KLF12: variants seen among roughly 807,000 people sequenced by gnomAD.
KLF12 encodes KLF transcription factor 12, also known as Krueppel-like factor 12.
A neutral mutation model predicts 37.8 loss-of-function variants in KLF12; 9 were observed. That is an observed-to-expected ratio of 0.24 (90% CI 0.14 to 0.42). The LOEUF (loss-of-function observed/expected upper bound fraction) is 0.42. KLF12 is among the 10% of genes least tolerant of loss of function. KLF12 has a pLI of 1.00. For synonymous variants in KLF12, 208 were observed against 202.1 expected, an observed-to-expected ratio of 1.03 and a Z score of -0.25; for missense variants, 411 against 516.0, an observed-to-expected ratio of 0.80 and a Z score of 1.97.
At chr13:73,846,802 A>C (rs1032813828) in intron 3 of KLF12, among the ~76,000 whole-genome samples, 3 of 152,168 alleles carry the variant, frequency 2.0e-5, no homozygotes, top group African/African-American at 7.2e-5. Flanking sequence ...TACCATACTC[A>C]GTATATTCTG....
At chr13:74,188,713 G>A in the KLF12 span, among the ~76,000 whole-genome samples, 1 of 151,972 alleles carries the variant, frequency 6.6e-6, no homozygotes, top group African/African-American at 2.4e-5. Flanking sequence ...AACAAAGAGT[G>A]GGCCAGGCGT....
chr13:74,025,822 A>G (rs1191507599), intron 1 of KLF12, among the ~76,000 whole-genome samples: 1 of 152,184 alleles, frequency 6.6e-6, no homozygotes, highest in Non-Finnish European at 1.5e-5. Flanking sequence ...GACTGCAGAT[A>G]TAGCTAAATG....
chr13:73,861,479 G>T (rs900018891), intron 3 of KLF12, among the ~76,000 whole-genome samples: 7 of 152,142 alleles, frequency 4.6e-5, no homozygotes, highest in African/African-American at 1.7e-4. Flanking sequence ...TACACTAAAG[G>T]AGTAGTTATT....
intron 6 of KLF12, among the ~76,000 whole-genome samples, chr13:73,731,764 C>A (rs1424647196): frequency 2.0e-5 from 3 of 152,156 alleles, no homozygotes; most frequent in Non-Finnish European, 4.4e-5. Context: ...TTCTAAAGCA[C>A]AAACTGTGGC....
At chr13:74,101,792 T>A (rs1876361575) in intron 1 of KLF12, among the ~76,000 whole-genome samples, 1 of 152,022 alleles carries the variant, frequency 6.6e-6, no homozygotes, top group African/African-American at 2.4e-5. Flanking sequence ...ATGAAAAACA[T>A]CAGTAAATGG....
intron 2 of KLF12, among the ~76,000 whole-genome samples, chr13:73,967,657 T>A (rs769408326): frequency 6.6e-6 from 1 of 152,198 alleles, no homozygotes; most frequent in Non-Finnish European, 1.5e-5. Flanking sequence ...GCCTCACTTA[T>A]ACAGCATTCT....
intron 1 of KLF12, among the ~76,000 whole-genome samples, chr13:74,096,364 A>G (rs962997107): frequency 1.3e-5 from 2 of 152,166 alleles, no homozygotes; most frequent in Non-Finnish European, 2.9e-5. Flanking sequence ...GAACTAGACC[A>G]CATATAACTA....
At chr13:73,763,247 C>A (rs1879685656) in intron 6 of KLF12, among the ~76,000 whole-genome samples, 3 of 152,070 alleles carry the variant, frequency 2.0e-5, no homozygotes, top group Admixed American at 2.0e-4. Context: ...AGAGCTTTAC[C>A]CACATTGTAT....
chr13:73,791,900 A>G (rs1881707821), intron 5 of KLF12, among the ~76,000 whole-genome samples: 1 of 152,226 alleles, frequency 6.6e-6, no homozygotes, highest in Admixed American at 6.5e-5. Context: ...AGTACTCTCA[A>G]AAATGATTCC....
chr13:74,076,060 T>C (rs1874543376), intron 1 of KLF12, among the ~76,000 whole-genome samples: 1 of 152,196 alleles, frequency 6.6e-6, no homozygotes, highest in African/African-American at 2.4e-5. Flanking sequence ...TCTTATGTTC[T>C]AAAATTAATT....
intron 2 of KLF12, among the ~76,000 whole-genome samples, chr13:73,987,802 G>C (rs1344959964): frequency 7.7e-6 from 1 of 129,996 alleles, no homozygotes; most frequent in African/African-American, 2.9e-5. Flanking sequence ...AGAGGAGAGA[G>C]AAAGTGGGGG....
chr13:73,747,042 C>A (rs1391695199), intron 6 of KLF12, among the ~76,000 whole-genome samples: 1 of 152,054 alleles, frequency 6.6e-6, no homozygotes, highest in South Asian at 2.1e-4. Context: ...GTCTCGAACT[C>A]CTGACCTCAA....
chr13:74,074,299 C>G (rs1228232035), intron 1 of KLF12, among the ~76,000 whole-genome samples: 3 of 152,186 alleles, frequency 2.0e-5, no homozygotes, highest in Non-Finnish European at 2.9e-5. Context: ...ACCCAGTGAG[C>G]TCTGATAAAC....
the KLF12 span, among the ~76,000 whole-genome samples, chr13:74,143,827 CTG>C: frequency 1.3e-5 from 2 of 152,204 alleles, no homozygotes; most frequent in African/African-American, 4.8e-5. Flanking sequence ...ATATTCAACA[CTG>C]TATTTTAAAA....
At chr13:74,059,069 T>C (rs903760185) in intron 1 of KLF12, among the ~76,000 whole-genome samples, 2 of 152,232 alleles carry the variant, frequency 1.3e-5, no homozygotes, top group African/African-American at 4.8e-5. Flanking sequence ...CTTATTTCAC[T>C]TAGGATAGTG....
At chr13:73,893,415 T>G (rs547882883) in intron 3 of KLF12, among the ~76,000 whole-genome samples, 24 of 130,152 alleles carry the variant, frequency 1.8e-4, no homozygotes, top group African/African-American at 7.0e-4. Flanking sequence ...TCAGCCTCAC[T>G]CTTTCGCCCA....
At chr13:73,817,397 T>C (rs1566390835) in intron 4 of KLF12, among the ~76,000 whole-genome samples, 1 of 149,756 alleles carries the variant, frequency 6.7e-6, no homozygotes, top group Non-Finnish European at 1.5e-5. Flanking sequence ...TTTATTCCAC[T>C]AAATTTTAGG....
chr13:73,991,394 C>T (rs375932679), intron 2 of KLF12, among the ~76,000 whole-genome samples: 57 of 152,296 alleles, frequency 3.7e-4, no homozygotes, highest in African/African-American at 1.1e-3. Context: ...GAGGGCACTT[C>T]GATTTCTGAA....
intron 6 of KLF12, among the ~76,000 whole-genome samples, chr13:73,761,492 C>T (rs945877769): frequency 9.2e-5 from 14 of 152,172 alleles, no homozygotes; most frequent in Non-Finnish European, 2.9e-5. Flanking sequence ...CTCATTATCC[C>T]TTATTTCCCA....
Sources: allele counts gnomAD v4.1 joint callset (sites outside exome capture counted in the v4.1 genomes callset), GRCh38; gene constraint gnomAD v4.1.1; transcripts MANE v1.5; gene names NCBI Gene and HGNC (gene_info 2026-07-23, HGNC 2026-07-21).